UBE2E2: variants seen among roughly 807,000 people sequenced by gnomAD.
UBE2E2 encodes the protein ubiquitin conjugating enzyme E2 E2, also known as ubiquitin-conjugating enzyme E2 E2.
A neutral mutation model predicts 24.7 loss-of-function variants in UBE2E2; 6 were observed. The observed-to-expected ratio is 0.24, with a 90% CI of 0.13 to 0.48. UBE2E2 has a LOEUF of 0.48. Ranked by LOEUF, UBE2E2 falls within the 20% of genes least tolerant of loss-of-function variation. The pLI is 0.99. For synonymous variants in UBE2E2, 104 were observed against 83.6 expected, an observed-to-expected ratio of 1.24 and a Z score of -1.33; for missense variants, 169 against 245.0, an observed-to-expected ratio of 0.69 and a Z score of 2.07.
intron 3 of UBE2E2, among the ~76,000 whole-genome samples, chr3:23,373,364 C>T (rs953744774): frequency 2.6e-5 from 4 of 152,212 alleles, no homozygotes; most frequent in African/African-American, 9.6e-5. Context: ...TCCCATTCCA[C>T]AGCCTCCAAT....
intron 4 of UBE2E2, among the ~76,000 whole-genome samples, chr3:23,500,924 A>G (rs1389504378): frequency 6.6e-6 from 1 of 152,160 alleles, no homozygotes; most frequent in Non-Finnish European, 1.5e-5. Flanking sequence ...ACATTACACA[A>G]TACATTTTAT....
At chr3:23,544,294 T>C (rs1695464824) in intron 5 of UBE2E2, among the ~76,000 whole-genome samples, 1 of 152,108 alleles carries the variant, frequency 6.6e-6, no homozygotes, top group Non-Finnish European at 1.5e-5. Context: ...GAAGAAATAT[T>C]TGCATACTAT....
intron 3 of UBE2E2, among the ~76,000 whole-genome samples, chr3:23,437,262 A>G (rs549523044): frequency 1.3e-5 from 2 of 152,110 alleles, no homozygotes; most frequent in Non-Finnish European, 2.9e-5. Context: ...TCTCATTGCA[A>G]CTACTATTTA....
intron 5 of UBE2E2, among the ~76,000 whole-genome samples, chr3:23,546,520 C>CT (rs1341723636): frequency 8.3e-6 from 1 of 121,072 alleles, no homozygotes; most frequent in Non-Finnish European, 1.6e-5. Flanking sequence ...GTTGCCCAGG[C>CT]TGGAGTGCAA....
intron 3 of UBE2E2, among the ~76,000 whole-genome samples, chr3:23,420,291 T>C (rs1239231198): frequency 6.6e-6 from 1 of 152,232 alleles, no homozygotes; most frequent in Non-Finnish European, 1.5e-5. Flanking sequence ...TGGATCAGAT[T>C]GCCCAGAAGG....
At chr3:23,277,321 G>C (rs1019300460) in intron 3 of UBE2E2, among the ~76,000 whole-genome samples, 1 of 152,056 alleles carries the variant, frequency 6.6e-6, no homozygotes, top group Non-Finnish European at 1.5e-5. Context: ...TTCAAAGATC[G>C]GCTACTGCCA....
intron 3 of UBE2E2, among the ~76,000 whole-genome samples, chr3:23,267,575 C>A (rs1217851435): frequency 6.6e-6 from 1 of 151,932 alleles, no homozygotes; most frequent in Non-Finnish European, 1.5e-5. Flanking sequence ...AGCTTACCAA[C>A]CAAAAAGAGT....
At chr3:23,545,105 G>C (rs1188367529) in intron 5 of UBE2E2, among the ~76,000 whole-genome samples, 1 of 152,192 alleles carries the variant, frequency 6.6e-6, no homozygotes, top group African/African-American at 2.4e-5. Flanking sequence ...TTTATACCGA[G>C]ACATTCCATT....
chr3:23,270,891 A>G (rs749197232), intron 3 of UBE2E2: 26 of 455,778 alleles, frequency 5.7e-5, no homozygotes, highest in Non-Finnish European at 1.1e-4. Flanking sequence ...AAGAACGATA[A>G]TTGTCTAACA....
chr3:23,472,775 G>A (rs1421300754), intron 3 of UBE2E2, among the ~76,000 whole-genome samples: 1 of 151,578 alleles, frequency 6.6e-6, no homozygotes, highest in Admixed American at 6.6e-5. Context: ...CTCCTGAGTA[G>A]CTGGGACCAC....
chr3:23,295,933 AT>A (rs1489002972), intron 3 of UBE2E2, among the ~76,000 whole-genome samples: 1 of 152,188 alleles, frequency 6.6e-6, no homozygotes, highest in Non-Finnish European at 1.5e-5. Flanking sequence ...GTTAGAAACT[AT>A]TTTTTAAACA....
chr3:23,431,512 C>A (rs199536874), intron 3 of UBE2E2, among the ~76,000 whole-genome samples: 2 of 147,620 alleles, frequency 1.4e-5, no homozygotes, highest in African/African-American at 2.5e-5. Flanking sequence ...ATTAAAAAAA[C>A]TTCTCTGATG....
At chr3:23,225,723 G>A (rs1696800758) in intron 3 of UBE2E2, among the ~76,000 whole-genome samples, 1 of 152,134 alleles carries the variant, frequency 6.6e-6, no homozygotes, top group African/African-American at 2.4e-5. Context: ...AAATCAGAAA[G>A]TGTAAGTATT....
intron 4 of UBE2E2, among the ~76,000 whole-genome samples, chr3:23,524,261 C>T (rs1020421102): frequency 6.6e-6 from 1 of 151,978 alleles, no homozygotes; most frequent in Non-Finnish European, 1.5e-5. Context: ...TGATCTCTGT[C>T]CTCTTACAAA....
At chr3:23,301,945 A>G (rs541364630) in intron 3 of UBE2E2, among the ~76,000 whole-genome samples, 230 of 144,438 alleles carry the variant, frequency 1.6e-3, no homozygotes, top group African/African-American at 6.1e-3. Context: ...TTTCTTCCCA[A>G]TGTAGTTCAT....
At chr3:23,421,627 C>T (rs993550986) in intron 3 of UBE2E2, among the ~76,000 whole-genome samples, 1 of 151,824 alleles carries the variant, frequency 6.6e-6, no homozygotes, top group Non-Finnish European at 1.5e-5. Context: ...AGGCTGGTCT[C>T]GAACTCCTGA....
chr3:23,445,947 A>G (rs1427879142), intron 3 of UBE2E2, among the ~76,000 whole-genome samples: 1 of 151,856 alleles, frequency 6.6e-6, no homozygotes, highest in African/African-American at 2.4e-5. Flanking sequence ...CTTGCCAGAG[A>G]CTCCACAGCA....
rs557597104 is a variant in UBE2E2 at position 23,227,894 on chromosome 3, G to A, written c.227+10582G>A. The stretch of plus-strand genomic sequence containing the variant: ...TACTTCCTTTTATAATTTTTAAGAT[G>A]AGCTCCTTCATTACTGCCAAGAGTA... On this transcript the variant is annotated intron_variant, in intron 3 of 5. Transcript: ENST00000396703. 4.6e-5 allele frequency among the ~76,000 whole-genome samples: 7 copies of A among 152,230 alleles called. No homozygotes were observed. The East Asian group carries it at 1.4e-3, about 29-fold the overall frequency.
intron 3 of UBE2E2, among the ~76,000 whole-genome samples, chr3:23,296,543 C>A (rs988091789): frequency 2.0e-5 from 3 of 152,088 alleles, no homozygotes; most frequent in Non-Finnish European, 4.4e-5. Flanking sequence ...CCACCTATAA[C>A]TGAGAACATG....
Sources: allele counts gnomAD v4.1 joint callset (sites outside exome capture counted in the v4.1 genomes callset), GRCh38; gene constraint gnomAD v4.1.1; transcripts MANE v1.5; gene names NCBI Gene and HGNC (gene_info 2026-07-23, HGNC 2026-07-21).